Variants in TNRC6C observed in about 807,000 individuals in gnomAD.
The protein encoded by TNRC6C is trinucleotide repeat containing adaptor 6C.
In TNRC6C, 20 loss-of-function variants were observed where a neutral mutation model predicts 153.7. The observed-to-expected ratio is 0.13, with a 90% CI of 0.09 to 0.19. The LOEUF (loss-of-function observed/expected upper bound fraction) is 0.19, where lower values mean the gene tolerates loss of function less well. Among genes scored for constraint, TNRC6C ranks in the 10% least tolerant of loss-of-function variants. The pLI is 1.00. For missense variants in TNRC6C, 1,987 were observed against 2,172.0 expected (o/e 0.91, Z 1.69); for synonymous variants, 811 against 841.4 (o/e 0.96, Z 0.63).
chr17:77,986,269 G>A (rs1331586572), intron 1 of TNRC6C, among the ~76,000 whole-genome samples: 1 of 152,082 alleles, frequency 6.6e-6, no homozygotes, highest in African/African-American at 2.4e-5. Context: ...TACAAAATTA[G>A]CCAGGCATGG....
chr17:78,032,025 CATT>C (rs1365345707), intron 2 of TNRC6C, among the ~76,000 whole-genome samples, 183 bp downstream of exon 4: 5 of 152,072 alleles, frequency 3.3e-5, no homozygotes, highest in Non-Finnish European at 5.9e-5. Context: ...TATTTATTTA[CATT>C]ATTGGTCATG....
At chr17:78,082,817 G>T (rs192570702) in intron 10 of TNRC6C, among the ~76,000 whole-genome samples, 329 of 152,302 alleles carry the variant, frequency 2.2e-3, no homozygotes, top group African/African-American at 6.8e-3. Context: ...CACATCACGC[G>T]CTGTTGGCTC....
intron 16 of TNRC6C, among the ~76,000 whole-genome samples, chr17:78,095,602 G>C (rs954631059): frequency 1.3e-5 from 2 of 152,206 alleles, no homozygotes; most frequent in Admixed American, 1.3e-4. Context: ...CTCATGCCAG[G>C]CCTCCCCTTC....
chr17:78,080,876 T>A (rs909699077), intron 10 of TNRC6C, among the ~76,000 whole-genome samples: 7 of 152,190 alleles, frequency 4.6e-5, no homozygotes, highest in Admixed American at 3.9e-4. Context: ...TTCAATCTGT[T>A]CCAAAAGAGA....
chr17:78,054,422 C>T (rs1004453972), intron 3 of TNRC6C, among the ~76,000 whole-genome samples: 6 of 149,336 alleles, frequency 4.0e-5, no homozygotes, highest in South Asian at 4.1e-4. Context: ...CTATACACCA[C>T]TGCAGACTAC....
chr17:78,052,371 T>A (rs1194083892), intron 3 of TNRC6C, among the ~76,000 whole-genome samples: 1 of 152,088 alleles, frequency 6.6e-6, no homozygotes, highest in Non-Finnish European at 1.5e-5. Flanking sequence ...ACAGTGAATT[T>A]ATTGGGACCT....
chr17:78,010,219 T>A (rs1208851391), intron 1 of TNRC6C, among the ~76,000 whole-genome samples: 2 of 152,226 alleles, frequency 1.3e-5, no homozygotes, highest in Non-Finnish European at 2.9e-5. Context: ...TTATAAAGAG[T>A]ATAATTTTAG....
intron 1 of TNRC6C, among the ~76,000 whole-genome samples, chr17:78,022,523 A>G (rs1230206773): frequency 1.3e-5 from 2 of 152,198 alleles, no homozygotes. Context: ...ATGGTGGAAA[A>G]GCATGGTCAG....
chr17:78,046,389 G>A lies in TNRC6C; in HGVS notation c.-218-2456G>A, dbSNP rs184341019. Among the ~76,000 whole-genome samples, 1,293 of 152,130 alleles carry A rather than the reference G, an allele frequency of 8.5e-3. 13 individuals carry two copies. The highest frequency in any genetic ancestry group is 0.037 in the South Asian group (179 of 4,820). On this transcript the variant is annotated intron_variant, in intron 2 of 19. Transcript: ENST00000301624. ...GACGAGGTTTCACCATGTTGGCCAG[G>A]CTGGTCTCGAACTCCTGACCTCAGG...
chr17:78,065,294 CTGAGCCA>C (rs2072852627), intron 4 of TNRC6C, among the ~76,000 whole-genome samples: 1 of 151,730 alleles, frequency 6.6e-6, no homozygotes, highest in South Asian at 2.1e-4. Context: ...TAAGACTGCC[CTGAGCCA>C]TGACTGTACC....
intron 17 of TNRC6C, among the ~76,000 whole-genome samples, chr17:78,102,078 G>A (rs1332460278): frequency 6.6e-6 from 1 of 152,202 alleles, no homozygotes; most frequent in Non-Finnish European, 1.5e-5. Context: ...AGCCTTCAGG[G>A]ATTTGCTCTG....
intron 2 of TNRC6C, among the ~76,000 whole-genome samples, chr17:78,039,771 G>C (rs1451054949): frequency 6.6e-6 from 1 of 152,206 alleles, no homozygotes; most frequent in Non-Finnish European, 1.5e-5. Flanking sequence ...GAACAACAGA[G>C]GGGAGCCTAC....
chr17:78,072,899 A>G (rs1207642933), intron 6 of TNRC6C, 138 bp from the exon 9 acceptor site: 2 of 591,422 alleles, frequency 3.4e-6, no homozygotes, highest in Non-Finnish European at 6.0e-6. Flanking sequence ...CATTGTCTCT[A>G]ACCTCAACAG....
chr17:78,097,319 A>C (rs2073505210), intron 16 of TNRC6C, among the ~76,000 whole-genome samples: 1 of 152,180 alleles, frequency 6.6e-6, no homozygotes, highest in African/African-American at 2.4e-5. Context: ...CAAATTTTGT[A>C]ATAAAAGGCT....
chr17:78,012,355 A>G lies in TNRC6C; in HGVS notation c.-546+7276A>G, dbSNP rs183621278. On this transcript the variant is annotated intron_variant, in intron 1 of 19. Coordinates refer to ENST00000301624, the Ensembl canonical transcript of TNRC6C. The stretch of plus-strand genomic sequence containing the variant: ...GGTTCTCCTTGAGGGTGGAGGGTGG[A>G]AGGAGGGAGAGGAGCAGAAAAGATC... Among the ~76,000 whole-genome samples the G allele has an allele frequency of 1.0e-3, 159 of 152,224 alleles. 1 individual carries two copies. Among genetic ancestry groups the G allele is most frequent in the African/African-American group, 3.5e-3 (145 of 41,526 alleles).
At chr17:78,083,232 G>C (rs1567957990) in intron 11 of TNRC6C, 66 bp downstream of exon 13, 1 of 1,599,078 alleles carries the variant, frequency 6.3e-7, no homozygotes. Flanking sequence ...CACCTGCTGA[G>C]AGCAGCAGTT....
In TNRC6C at chr17:78,104,601, CGTCCAGCCAGCCGCG is replaced by C; in HGVS notation, c.4831_4845del (p.Ser1611_Arg1615del). The C allele has an allele frequency of 6.4e-7, 1 of 1,552,856 alleles. No individual in the cohort carries two copies. The highest frequency in any genetic ancestry group is 8.7e-7 in the Non-Finnish European group (1 of 1,148,690). On this transcript the variant is annotated inframe_deletion, in exon 20 of 20. Transcript: ENST00000301624. This position sits in a 1 kb window ranked among gnomAD's most constrained non-coding sequence, Gnocchi z 6.2. ...ACTTCCAGCTGGCAGTCCAGCAGCGCGTCCAGCCAGCCGCGGCTCAGCGCAGCGGGCAGCTCCCAT... is the reference window on the plus strand; with the variant it reads ...ACTTCCAGCTGGCAGTCCAGCAGCGCGCTCAGCGCAGCGGGCAGCTCCCAT...
chr17:78,106,711 A>T (rs2073703595), exon 20 of TNRC6C: 1 of 152,048 alleles, frequency 6.6e-6, no homozygotes, highest in African/African-American at 2.4e-5. Context: ...TTTAAAAATG[A>T]TCAATGTTTT....
chr17:77,963,096 AT>A (rs1316969288), intron 1 of TNRC6C, among the ~76,000 whole-genome samples: 3 of 152,240 alleles, frequency 2.0e-5, no homozygotes, highest in Non-Finnish European at 4.4e-5. Context: ...ATAAAATGAT[AT>A]ACAATAAGCT....
Sources: gnomAD v4.1 joint callset for allele counts (sites outside exome capture counted in the v4.1 genomes callset) on GRCh38, gnomAD v4.1.1 for gene constraint, Gnocchi (gnomAD v3.1) non-coding constraint, MANE v1.5 for transcripts, NCBI Gene and HGNC (gene_info 2026-07-23, HGNC 2026-07-21) for gene names.